SKAP1: variants seen among roughly 807,000 people sequenced by gnomAD.
SKAP1 encodes src kinase-associated phosphoprotein 1.
A neutral mutation model predicts 58.5 loss-of-function variants in SKAP1; 44 were observed. That is an observed-to-expected ratio of 0.75 (90% CI 0.59 to 0.97). SKAP1 has a LOEUF of 0.97. Among genes scored for constraint, SKAP1 ranks in the 50% least tolerant of loss-of-function variants. SKAP1 has a pLI of 0.00. For missense variants in SKAP1, 390 were observed against 435.2 expected (o/e 0.90, Z 0.92); for synonymous variants, 127 against 149.7 (o/e 0.85, Z 1.11).
chr17:48,212,695 C>A (rs929849263), intron 4 of SKAP1, among the ~76,000 whole-genome samples: 10 of 152,198 alleles, frequency 6.6e-5, no homozygotes, highest in Non-Finnish European at 1.3e-4. Context: ...GTTTGGATTG[C>A]TTCACTGACT....
At chr17:48,358,509 T>C (rs1415122753) in intron 3 of SKAP1, among the ~76,000 whole-genome samples, 1 of 152,182 alleles carries the variant, frequency 6.6e-6, no homozygotes, top group South Asian at 2.1e-4. Context: ...AGACACCATA[T>C]AGCAAAAAGC....
intron 2 of SKAP1, among the ~76,000 whole-genome samples, chr17:48,379,903 C>T (rs550510545): frequency 2.0e-5 from 3 of 152,200 alleles, no homozygotes; most frequent in East Asian, 1.9e-4. Flanking sequence ...AGGCTGGTCT[C>T]GAACACCTGA....
chr17:48,264,623 A>G (rs1002592324), intron 4 of SKAP1, among the ~76,000 whole-genome samples: 17 of 152,202 alleles, frequency 1.1e-4, no homozygotes, highest in African/African-American at 4.1e-4. Context: ...TTGCCAGGAA[A>G]TGGGGAGGGA....
intron 4 of SKAP1, among the ~76,000 whole-genome samples, chr17:48,289,894 C>A (rs974304460): frequency 6.6e-6 from 1 of 151,860 alleles, no homozygotes; most frequent in Non-Finnish European, 1.5e-5. Flanking sequence ...AGAACATGTA[C>A]CATGTTTCAC....
chr17:48,166,324 A>G (rs1229138773), intron 10 of SKAP1, among the ~76,000 whole-genome samples: 1 of 152,242 alleles, frequency 6.6e-6, no homozygotes, highest in Non-Finnish European at 1.5e-5. Context: ...TTTATTGCAA[A>G]GCATTTGTCA....
chr17:48,212,475 C>A (rs987194657), intron 4 of SKAP1, among the ~76,000 whole-genome samples: 1 of 152,096 alleles, frequency 6.6e-6, no homozygotes, highest in Non-Finnish European at 1.5e-5. Flanking sequence ...CTGGAGTGTG[C>A]GCTAGCTGTT....
At chr17:48,155,601 A>C (rs370854498) in intron 11 of SKAP1, among the ~76,000 whole-genome samples, 3 of 151,688 alleles carry the variant, frequency 2.0e-5, no homozygotes. Flanking sequence ...TCACACCTGT[A>C]ATTCCAGCAC....
intron 4 of SKAP1, among the ~76,000 whole-genome samples, chr17:48,329,988 T>G (rs1244601625): frequency 6.6e-6 from 1 of 152,180 alleles, no homozygotes; most frequent in Non-Finnish European, 1.5e-5. Flanking sequence ...TTCAATAAAT[T>G]TATTATAGAA....
chr17:48,244,298 C>T (rs1458917180), intron 4 of SKAP1, among the ~76,000 whole-genome samples: 3 of 152,180 alleles, frequency 2.0e-5, no homozygotes, highest in South Asian at 2.1e-4. Flanking sequence ...TTCCTTCCTC[C>T]TTTGCCCCTA....
At chr17:48,374,543 G>T (rs1282758526) in intron 2 of SKAP1, among the ~76,000 whole-genome samples, 1 of 152,098 alleles carries the variant, frequency 6.6e-6, no homozygotes, top group Admixed American at 6.5e-5. Flanking sequence ...ACACCTAGTT[G>T]GGCATGGATT....
intron 4 of SKAP1, among the ~76,000 whole-genome samples, chr17:48,251,435 C>T (rs1356695898): frequency 1.3e-5 from 2 of 152,152 alleles, no homozygotes; most frequent in Non-Finnish European, 2.9e-5. Context: ...GGTCTGTCAG[C>T]ATTTTTATGC....
rs534994617 is a variant in SKAP1, at chr17:48,142,235, G to A, written c.979-4898C>T. On this transcript the variant is annotated intron_variant, in intron 11 of 12. Transcript: ENST00000336915. The stretch of plus-strand genomic sequence containing the variant: ...CCAGCACTTTGGGAGGCCGAGGTGG[G>A]TGGATCACCTGAGGTCAGGAGTTCG... Among the ~76,000 whole-genome samples, 4 of 152,310 alleles carry A rather than the reference G, an allele frequency of 2.6e-5. No homozygotes were observed. The South Asian group carries it at 8.3e-4, about 32-fold the overall frequency.
intron 4 of SKAP1, among the ~76,000 whole-genome samples, chr17:48,205,021 T>TTC: frequency 3.3e-5 from 1 of 30,514 alleles, no homozygotes; most frequent in South Asian, 1.5e-3. Flanking sequence ...TTCTTTTTCT[T>TTC]TCTTTCTTTC....
Position 48,273,889 on chromosome 17 carries a change from GT to G in SKAP1, c.280+72015del, listed in dbSNP as rs1415319052. On this transcript the variant is annotated intron_variant, in intron 4 of 12. Transcript: ENST00000336915. Reference sequence around the variant, plus strand: ...AAGGGTAGGCTTGAGGAATCTCCAGGTTTAAGAACTCTGGTGATTTATATTC... The same window carrying G: ...AAGGGTAGGCTTGAGGAATCTCCAGGTTAAGAACTCTGGTGATTTATATTC... Among the ~76,000 whole-genome samples, 11 of 151,928 alleles carry G rather than the reference GT, an allele frequency of 7.2e-5. No individual in the cohort carries two copies. In the East Asian group the frequency reaches 2.2e-3, roughly 30 times the overall value.
chr17:48,318,387 C>A (rs961805685), intron 4 of SKAP1, among the ~76,000 whole-genome samples: 3 of 152,236 alleles, frequency 2.0e-5, no homozygotes, highest in Non-Finnish European at 2.9e-5. Context: ...GGGTGGCCCA[C>A]TTAAGAGGTC....
chr17:48,245,926 G>C (rs977213548), intron 4 of SKAP1, among the ~76,000 whole-genome samples: 13 of 152,166 alleles, frequency 8.5e-5, no homozygotes, highest in African/African-American at 3.1e-4. Flanking sequence ...AGTGACCCAA[G>C]ATTGTGCCAC....
chr17:48,262,664 T>A (rs528647866), intron 4 of SKAP1, among the ~76,000 whole-genome samples: 9 of 152,330 alleles, frequency 5.9e-5, no homozygotes, highest in African/African-American at 1.9e-4. Context: ...AAAAAGCCCA[T>A]AAAACAGATT....
At chr17:48,176,025 C>T (rs2064284961) in intron 9 of SKAP1, among the ~76,000 whole-genome samples, 1 of 152,128 alleles carries the variant, frequency 6.6e-6, no homozygotes, top group Admixed American at 6.6e-5. Context: ...TTCACTGTTC[C>T]CCCTTCCTGT....
chr17:48,429,798 A>T (rs1187344988), intron 1 of SKAP1, among the ~76,000 whole-genome samples: 1 of 152,124 alleles, frequency 6.6e-6, no homozygotes, highest in Non-Finnish European at 1.5e-5. Context: ...GGCATGGGGG[A>T]CCAAGAACCT....
Sources: allele counts gnomAD v4.1 joint callset (sites outside exome capture counted in the v4.1 genomes callset), GRCh38; gene constraint gnomAD v4.1.1; transcripts MANE v1.5; gene names NCBI Gene and HGNC (gene_info 2026-07-23, HGNC 2026-07-21).